JAKMIP3: variants seen among roughly 807,000 people sequenced by gnomAD.
JAKMIP3 encodes Janus kinase and microtubule interacting protein 3.
A neutral mutation model predicts 118.5 loss-of-function variants in JAKMIP3; 58 were observed. The observed-to-expected ratio is 0.49, with a 90% CI of 0.40 to 0.61. The LOEUF is 0.61. JAKMIP3 is among the 20% of genes least tolerant of loss of function. JAKMIP3 has a pLI of 0.00. For synonymous variants in JAKMIP3, 486 were observed against 451.2 expected (o/e 1.08, Z -0.98); for missense variants, 950 against 1,109.0 (o/e 0.86, Z 2.04).
At chr10:132,115,633 T>C (rs73397605) in intron 2 of JAKMIP3, among the ~76,000 whole-genome samples, 8,697 of 152,288 alleles carry the variant, frequency 0.057, 411 homozygotes, top group East Asian at 0.13. Context: ...AAGGAAATAG[T>C]GCTTAAATAG....
intron 6 of JAKMIP3, 107 bp from the exon 7 acceptor site, chr10:132,136,912 T>C: frequency 7.8e-7 from 1 of 1,286,110 alleles, no homozygotes; most frequent in Non-Finnish European, 1.1e-6. Flanking sequence ...GCCGGGCAGC[T>C]GAGAGTGGCA....
chr10:132,116,774 C>G (rs1179613718), intron 2 of JAKMIP3, among the ~76,000 whole-genome samples: 1 of 127,610 alleles, frequency 7.8e-6, no homozygotes, highest in Non-Finnish European at 1.6e-5. Context: ...GACGCTCCCC[C>G]CGAATACACA....
intron 19 of JAKMIP3, among the ~76,000 whole-genome samples, chr10:132,155,170 AGTG>A (rs1265965681): frequency 6.9e-6 from 1 of 144,996 alleles, no homozygotes; most frequent in Non-Finnish European, 1.5e-5. Flanking sequence ...CAGTGGTGGT[AGTG>A]GTGGTGATGA....
chr10:132,148,728 C>T (rs11592760), intron 14 of JAKMIP3, among the ~76,000 whole-genome samples: 69,453 of 152,188 alleles, frequency 0.46, 16,891 homozygotes, highest in Admixed American at 0.63. Flanking sequence ...GGGAATCCCA[C>T]GGGCAGCTCA....
At chr10:132,137,312 T>TC (rs1268483198) in intron 8 of JAKMIP3, 23 bp downstream of exon 8, 2 of 1,613,292 alleles carry the variant, frequency 1.2e-6, no homozygotes, top group Non-Finnish European at 1.7e-6. Flanking sequence ...AGCGCCCGCT[T>TC]CCCCACGCCT....
intron 2 of JAKMIP3, among the ~76,000 whole-genome samples, chr10:132,105,843 C>T (rs1446515748): frequency 5.3e-5 from 8 of 152,152 alleles, no homozygotes; most frequent in Non-Finnish European, 8.8e-5. Flanking sequence ...CCCTAGTTCT[C>T]TCCCTCCCTG....
intron 1 of JAKMIP3, among the ~76,000 whole-genome samples, chr10:132,078,627 G>A (rs1200115429): frequency 6.6e-6 from 1 of 151,988 alleles, no homozygotes; most frequent in Non-Finnish European, 1.5e-5. Context: ...GGCGGGGGGG[G>A]GGGGGGGTCC....
intron 19 of JAKMIP3, among the ~76,000 whole-genome samples, chr10:132,156,193 C>A (rs1311275280): frequency 6.6e-6 from 1 of 152,198 alleles, no homozygotes; most frequent in Non-Finnish European, 1.5e-5. Flanking sequence ...CTGCAGGCTC[C>A]AGGCCCCCGC....
intron 11 of JAKMIP3, chr10:132,144,111 A>G (rs1215756166): frequency 6.9e-6 from 1 of 144,200 alleles, no homozygotes; most frequent in African/African-American, 2.6e-5. Flanking sequence ...CTCCCTTGGA[A>G]GCTATCCCCA....
At chr10:132,136,810 C>A (rs1407273752) in intron 6 of JAKMIP3, among the ~76,000 whole-genome samples, 1 of 152,328 alleles carries the variant, frequency 6.6e-6, no homozygotes, top group East Asian at 1.9e-4. Flanking sequence ...GCTGCACACA[C>A]CTGCCCTTGC....
intron 23 of JAKMIP3, among the ~76,000 whole-genome samples, chr10:132,173,396 G>C (rs746725677): frequency 6.6e-6 from 1 of 151,076 alleles, no homozygotes; most frequent in Non-Finnish European, 1.5e-5. Context: ...TCATCTGTGC[G>C]GCCCTGGCAT....
Position 132,039,518 on chromosome 10 carries a change from A to T in JAKMIP3, c.-138+2780A>T, listed in dbSNP as rs2037649211. ...GGACAGCGTGGTCCCTGCAAGGCTG[A>T]GAGGCCTGGCCCTCTACACGTGCCA... On this transcript the variant is annotated intron_variant, in intron 1 of 23. Transcript: ENST00000657785. Among the ~76,000 whole-genome samples the T allele has an allele frequency of 2.0e-5, 3 of 152,146 alleles. No individual in the cohort carries two copies. The South Asian group carries it at 6.2e-4, about 32-fold the overall frequency.
chr10:132,084,683 C>A (rs180920875), intron 1 of JAKMIP3, among the ~76,000 whole-genome samples: 2 of 152,184 alleles, frequency 1.3e-5, no homozygotes, highest in African/African-American at 4.8e-5. Context: ...CAGCTTTTTC[C>A]CATTCAGTCT....
chr10:132,101,225 A>G (rs1018947234), intron 1 of JAKMIP3, among the ~76,000 whole-genome samples: 5 of 152,142 alleles, frequency 3.3e-5, no homozygotes, highest in African/African-American at 1.2e-4. Flanking sequence ...TCCCTCCTCC[A>G]AAGTGGAAAT....
chr10:132,075,845 C>T (rs1589755442), intron 1 of JAKMIP3, among the ~76,000 whole-genome samples: 1 of 152,130 alleles, frequency 6.6e-6, no homozygotes, highest in South Asian at 2.1e-4. Flanking sequence ...GAGAATGCTT[C>T]GTTTCTTTGT....
At chr10:132,142,488 CGG>C (rs2053723599) in intron 11 of JAKMIP3, among the ~76,000 whole-genome samples, 1 of 151,732 alleles carries the variant, frequency 6.6e-6, no homozygotes, top group African/African-American at 2.4e-5. Context: ...GCCCCGGCCC[CGG>C]CCCCGGCCCC....
intron 3 of JAKMIP3, among the ~76,000 whole-genome samples, chr10:132,132,774 C>T (rs2050882006): frequency 6.6e-6 from 1 of 152,224 alleles, no homozygotes; most frequent in African/African-American, 2.4e-5. Flanking sequence ...CTACGTTGCA[C>T]AGCCCTCCCC....
At chr10:132,126,500 G>A (rs554653701) in intron 3 of JAKMIP3, among the ~76,000 whole-genome samples, 20 of 149,806 alleles carry the variant, frequency 1.3e-4, no homozygotes, top group African/African-American at 3.9e-4. Context: ...ACAGGGTCTC[G>A]CTTTGTTGCC....
chr10:132,162,249 C>G (rs998813764), intron 19 of JAKMIP3, among the ~76,000 whole-genome samples: 33 of 152,344 alleles, frequency 2.2e-4, no homozygotes, highest in African/African-American at 7.9e-4. Context: ...AGACCGTGGT[C>G]TGTGTGGCTG....
Sources: allele counts gnomAD v4.1 joint callset (sites outside exome capture counted in the v4.1 genomes callset), GRCh38; gene constraint gnomAD v4.1.1; transcripts MANE v1.5; gene names NCBI Gene and HGNC (gene_info 2026-07-23, HGNC 2026-07-21).